The following CAMTA1 variants were observed in gnomAD, a reference collection of about 807,000 sequenced individuals.
The protein encoded by CAMTA1 is calmodulin binding transcription activator 1.
Under a neutral mutation model 170.9 loss-of-function variants are expected in CAMTA1, and 27 were observed. The observed-to-expected ratio is 0.16, with a 90% CI of 0.12 to 0.22. The LOEUF (loss-of-function observed/expected upper bound fraction) is 0.22, where lower values mean the gene tolerates loss of function less well. Ranked by LOEUF, CAMTA1 falls within the 10% of genes least tolerant of loss-of-function variation. The pLI is 1.00. For missense variants in CAMTA1, 1,619 were observed against 2,217.2 expected (o/e 0.73, Z 5.42); for synonymous variants, 833 against 891.5 (o/e 0.93, Z 1.17).
At chr1:7,503,104 T>C (rs1394177765) in intron 6 of CAMTA1, among the ~76,000 whole-genome samples, 1 of 152,120 alleles carries the variant, frequency 6.6e-6, no homozygotes, top group Non-Finnish European at 1.5e-5. Flanking sequence ...CTCTGTGGAA[T>C]GGGGGAGCCT....
At chr1:7,706,520 T>C (rs981224570) in intron 11 of CAMTA1, among the ~76,000 whole-genome samples, 3 of 152,238 alleles carry the variant, frequency 2.0e-5, no homozygotes, top group African/African-American at 7.2e-5. Flanking sequence ...CAGAAGCACT[T>C]TTCCTGCTGT....
At chr1:7,128,831 C>CTTTTTT (rs34180837) in intron 4 of CAMTA1, among the ~76,000 whole-genome samples, 1 of 61,320 alleles carries the variant, frequency 1.6e-5, no homozygotes, top group Non-Finnish European at 2.9e-5. Context: ...GCTCCCCCTC[C>CTTTTTT]TTTTTTTTTT....
chr1:7,419,701 C>T (rs564963674), intron 5 of CAMTA1, among the ~76,000 whole-genome samples: 1 of 152,304 alleles, frequency 6.6e-6, no homozygotes, highest in South Asian at 2.1e-4. Context: ...AAACTGACCA[C>T]GGCCACATGG....
intron 7 of CAMTA1, among the ~76,000 whole-genome samples, chr1:7,660,350 A>G (rs943859179): frequency 2.0e-5 from 3 of 152,216 alleles, no homozygotes; most frequent in African/African-American, 7.2e-5. Flanking sequence ...TATAGGTGTG[A>G]GCCACTGCGC....
rs563498350 is a variant in CAMTA1 at position 7,365,541 on chromosome 1, G to A, written c.439-102289G>A. Among the ~76,000 whole-genome samples the A allele has an allele frequency of 3.9e-5, 6 of 152,306 alleles. No individual in the cohort carries two copies. In the Middle Eastern group the frequency reaches 0.01, roughly 259 times the overall value. ...CTTTCCCTAGGCCCCGCGCCTGGGT[G>A]TGGACTTCCCTGGGCCTGCTGGTGG... On this transcript the variant is annotated intron_variant, in intron 5 of 22. Coordinates refer to ENST00000303635, the MANE Select transcript of CAMTA1 (RefSeq NM_015215.4).
chr1:6,829,536 T>C (rs1221366434), intron 3 of CAMTA1, among the ~76,000 whole-genome samples: 1 of 152,244 alleles, frequency 6.6e-6, no homozygotes, highest in Non-Finnish European at 1.5e-5. Flanking sequence ...GCACTAATTA[T>C]GGAAGCCAGT....
Position 7,395,381 on chromosome 1 carries a change from A to G in CAMTA1, c.439-72449A>G, listed in dbSNP as rs1337599085. Among the ~76,000 whole-genome samples, 5 of 152,104 alleles carry G rather than the reference A, an allele frequency of 3.3e-5. No homozygotes were observed. The East Asian group carries it at 7.7e-4, about 23-fold the overall frequency. On this transcript the variant is annotated intron_variant, in intron 5 of 22. Coordinates refer to ENST00000303635, the MANE Select transcript of CAMTA1 (RefSeq NM_015215.4). ...CTTTGTTGAAAATTGGTTCCCTGTA[A>G]GTACACAGATTTATTTCTGTGTTCT...
At chr1:6,995,064 GTCT>G (rs1258410131) in intron 3 of CAMTA1, among the ~76,000 whole-genome samples, 2 of 151,856 alleles carry the variant, frequency 1.3e-5, no homozygotes, top group Non-Finnish European at 2.9e-5. Flanking sequence ...TATTCTCATT[GTCT>G]TCTTCTGGGA....
chr1:7,505,676 AG>A (rs1192149861), intron 6 of CAMTA1, among the ~76,000 whole-genome samples: 2 of 152,200 alleles, frequency 1.3e-5, no homozygotes, highest in African/African-American at 4.8e-5. Context: ...CACATGAGGC[AG>A]CACATTTGGG....
Position 7,509,662 on chromosome 1 carries a change from T to C in CAMTA1, c.510+41761T>C, listed in dbSNP as rs6689685. ...ACCCCATTTCTCAGAGGTTTATAAC[T>C]TGGCCGTAAAAACGTACTGAGGCCT... On this transcript the variant is annotated intron_variant, in intron 6 of 22. Coordinates refer to ENST00000303635, the MANE Select transcript of CAMTA1 (RefSeq NM_015215.4). Among the ~76,000 whole-genome samples the C allele has an allele frequency of 5.1e-3, 772 of 152,256 alleles. 11 individuals carry two copies. Among genetic ancestry groups the C allele is most frequent in the African/African-American group, 0.017 (727 of 41,552 alleles).
At chr1:7,043,512 C>T (rs949734533) in intron 3 of CAMTA1, among the ~76,000 whole-genome samples, 4 of 152,112 alleles carry the variant, frequency 2.6e-5, no homozygotes, top group African/African-American at 9.7e-5. Context: ...AGCTAGTGTC[C>T]GGGAAATGTG....
At chr1:6,842,674 C>T (rs543546649) in intron 3 of CAMTA1, among the ~76,000 whole-genome samples, 1 of 152,306 alleles carries the variant, frequency 6.6e-6, no homozygotes, top group South Asian at 2.1e-4. Context: ...TAAATCCCAG[C>T]ACTTTGGGAG....
intron 5 of CAMTA1, among the ~76,000 whole-genome samples, chr1:7,421,691 A>G (rs564423701): frequency 1.3e-5 from 2 of 152,260 alleles, no homozygotes; most frequent in African/African-American, 4.8e-5. Flanking sequence ...GGGGCCTTCC[A>G]TGCCAGCACT....
rs547815648 is a variant in CAMTA1, at chr1:7,503,747, T to G, written c.510+35846T>G. Among the ~76,000 whole-genome samples, 393 of 151,886 alleles carry G rather than the reference T, an allele frequency of 2.6e-3. 3 individuals carry two copies. The highest frequency in any genetic ancestry group is 0.01 in the South Asian group (50 of 4,800). On this transcript the variant is annotated intron_variant, in intron 6 of 22. Coordinates refer to ENST00000303635, the MANE Select transcript of CAMTA1 (RefSeq NM_015215.4). ...TCTTAGATGTGTGGCCCTCGGGAGG[T>G]GGGGGGAGCCTCCTGTTTGTGTGTA...
At chr1:6,997,764 G>A (rs1697544748) in intron 3 of CAMTA1, among the ~76,000 whole-genome samples, 3 of 148,724 alleles carry the variant, frequency 2.0e-5, no homozygotes, top group Non-Finnish European at 4.4e-5. Context: ...GGGTTCAAGC[G>A]ATTCTCCTGC....
rs1010612972 is a variant in CAMTA1, at chr1:7,635,426, T to C, written c.511-4974T>C. Among the ~76,000 whole-genome samples the C allele has an allele frequency of 5.4e-5, 8 of 147,956 alleles. No homozygotes were observed. The highest frequency in any genetic ancestry group is 2.0e-4 in the African/African-American group (8 of 39,820). On this transcript the variant is annotated intron_variant, in intron 6 of 22. Transcript: ENST00000303635. The surrounding 1 kb of genome is among the most constrained non-coding windows in gnomAD (Gnocchi z 4.4). ...ACCGAGACTATCCTGGCTAACACGG[T>C]GAAACCCCGTCTCTACTAAAAAATA...
chr1:7,063,865 T>C lies in CAMTA1; in HGVS notation c.235-27439T>C, dbSNP rs140339139. 2.7e-3 allele frequency among the ~76,000 whole-genome samples: 408 copies of C among 152,278 alleles called. No homozygotes were observed. The highest frequency in any genetic ancestry group is 3.7e-3 in the Non-Finnish European group (251 of 68,014). On this transcript the variant is annotated intron_variant, in intron 3 of 22. Coordinates refer to ENST00000303635, the MANE Select transcript of CAMTA1 (RefSeq NM_015215.4). The surrounding 1 kb of genome is among the most constrained non-coding windows in gnomAD (Gnocchi z 4.3). ...TATTTTGTTGGGGGAGAGAGAAAAATAAATTCATGTACTAGTCTGCTCAGG... is the reference window on the plus strand; with the variant it reads ...TATTTTGTTGGGGGAGAGAGAAAAACAAATTCATGTACTAGTCTGCTCAGG...
At chr1:7,086,355 GT>G (rs1447389290) in intron 3 of CAMTA1, among the ~76,000 whole-genome samples, 2 of 152,108 alleles carry the variant, frequency 1.3e-5, no homozygotes, top group African/African-American at 2.4e-5. Flanking sequence ...GTCTGCGTGG[GT>G]TGGATGGCTG....
rs555142235 is a variant in CAMTA1 at position 7,171,439 on chromosome 1, C to T, written c.303-78052C>T. On this transcript the variant is annotated intron_variant, in intron 4 of 22. Coordinates refer to ENST00000303635, the MANE Select transcript of CAMTA1 (RefSeq NM_015215.4). ...CCTGCTCAAATGTTACCTCCTATTA[C>T]GATTATTTGTTTCCACTTCTGCCTC... is the stretch of plus-strand genomic sequence containing the variant. 2.6e-5 allele frequency among the ~76,000 whole-genome samples: 4 copies of T among 152,248 alleles called. No homozygotes were observed. In the East Asian group the frequency reaches 7.7e-4, roughly 29 times the overall value.
Sources: gnomAD v4.1 joint callset for allele counts (sites outside exome capture counted in the v4.1 genomes callset) on GRCh38, gnomAD v4.1.1 for gene constraint, Gnocchi (gnomAD v3.1) non-coding constraint, MANE v1.5 for transcripts, NCBI Gene and HGNC (gene_info 2026-07-23, HGNC 2026-07-21) for gene names.